Variants in CCDC148 observed in about 807,000 individuals in gnomAD.
CCDC148 encodes coiled-coil domain containing 148, also known as coiled-coil domain-containing protein 148.
In CCDC148, 89 loss-of-function variants were observed where a neutral mutation model predicts 85.7. The observed-to-expected ratio is 1.04, with a 90% CI of 0.87 to 1.24. CCDC148 has a LOEUF of 1.24. Among genes scored for constraint, CCDC148 ranks in the 50% most tolerant of loss-of-function variants. The probability of loss-of-function intolerance (pLI) is 0.00; values close to 1 mark genes in which losing one functional copy is unlikely to be tolerated. For missense variants in CCDC148, 692 were observed against 671.7 expected (o/e 1.03, Z -0.33); for synonymous variants, 230 against 213.9 (o/e 1.08, Z -0.66).
intron 9 of CCDC148, among the ~76,000 whole-genome samples, chr2:158,292,845 T>A (rs1227923850): frequency 6.6e-6 from 1 of 152,230 alleles, no homozygotes; most frequent in East Asian, 1.9e-4. Flanking sequence ...AGATGTAAAC[T>A]ATTTGAAATA....
At chr2:158,308,553 C>T (rs931872202) in intron 9 of CCDC148, among the ~76,000 whole-genome samples, 8 of 152,148 alleles carry the variant, frequency 5.3e-5, no homozygotes, top group Non-Finnish European at 1.0e-4. Flanking sequence ...ATTGGTATTG[C>T]TTAATGTCTG....
intron 9 of CCDC148, among the ~76,000 whole-genome samples, chr2:158,262,747 T>G (rs1689286048): frequency 6.6e-6 from 1 of 151,928 alleles, no homozygotes; most frequent in Non-Finnish European, 1.5e-5. Flanking sequence ...GAGAACAGCA[T>G]GGAGAAAGCC....
At chr2:158,251,147 A>G (rs10933464) in intron 9 of CCDC148, among the ~76,000 whole-genome samples, 78,112 of 151,428 alleles carry the variant, frequency 0.52, 20,378 homozygotes, top group South Asian at 0.7. Context: ...GATTCATGGA[A>G]TAGGGTTCCT....
At chr2:158,232,548 AAGTT>A (rs1411982931) in intron 10 of CCDC148, among the ~76,000 whole-genome samples, 1 of 152,168 alleles carries the variant, frequency 6.6e-6, no homozygotes, top group African/African-American at 2.4e-5. Flanking sequence ...AGGAAGCAGA[AAGTT>A]AGGACAAAAG....
At chr2:158,351,517 C>T (rs548992854) in intron 2 of CCDC148, among the ~76,000 whole-genome samples, 31 of 151,944 alleles carry the variant, frequency 2.0e-4, no homozygotes, top group East Asian at 9.8e-4. Flanking sequence ...GCTTTTCCGA[C>T]CGGCTTAAAA....
intron 1 of CCDC148, among the ~76,000 whole-genome samples, chr2:158,400,980 G>T (rs1355148974): frequency 6.6e-6 from 1 of 152,160 alleles, no homozygotes; most frequent in African/African-American, 2.4e-5. Context: ...TCACAGAAAT[G>T]CAAATTAAAA....
intron 9 of CCDC148, among the ~76,000 whole-genome samples, chr2:158,278,496 T>C (rs1221353766): frequency 1.3e-5 from 2 of 151,950 alleles, no homozygotes; most frequent in African/African-American, 4.8e-5. Context: ...GCTGGGAGGG[T>C]CCTTCACCCA....
intron 1 of CCDC148, among the ~76,000 whole-genome samples, chr2:158,372,917 AAAGGCAGAAT>A (rs1684508040): frequency 6.6e-6 from 1 of 152,082 alleles, no homozygotes; most frequent in Admixed American, 6.6e-5. Flanking sequence ...AATGCTTGTG[AAAGGCAGAAT>A]AGTGCCCCAA....
At chr2:158,375,459 G>A (rs540739213) in intron 1 of CCDC148, among the ~76,000 whole-genome samples, 15 of 152,126 alleles carry the variant, frequency 9.9e-5, no homozygotes, top group Admixed American at 9.2e-4. Context: ...CCATGAAAGC[G>A]AAGGCCACAA....
At chr2:158,336,397 A>T (rs1682379064) in intron 7 of CCDC148, among the ~76,000 whole-genome samples, 1 of 152,156 alleles carries the variant, frequency 6.6e-6, no homozygotes, top group Non-Finnish European at 1.5e-5. Context: ...TATTTATAAA[A>T]TATTTTCTTT....
intron 1 of CCDC148, among the ~76,000 whole-genome samples, chr2:158,406,394 G>C (rs188820215): frequency 1.3e-5 from 2 of 151,966 alleles, no homozygotes; most frequent in African/African-American, 4.8e-5. Flanking sequence ...GGTCCTAGTG[G>C]GGGGCTGGGC....
chr2:158,311,453 G>C (rs1365737248), intron 8 of CCDC148, among the ~76,000 whole-genome samples: 3 of 152,190 alleles, frequency 2.0e-5, no homozygotes, highest in Admixed American at 2.0e-4. Flanking sequence ...GAGGGAGACT[G>C]TGGAAAGCGG....
At chr2:158,257,859 C>T (rs1689072318) in intron 9 of CCDC148, among the ~76,000 whole-genome samples, 1 of 151,728 alleles carries the variant, frequency 6.6e-6, no homozygotes, top group Admixed American at 6.6e-5. Flanking sequence ...AACTAAATGC[C>T]AATAAGCAGA....
intron 1 of CCDC148, among the ~76,000 whole-genome samples, chr2:158,415,049 G>A (rs1043468286): frequency 2.0e-5 from 3 of 151,866 alleles, no homozygotes; most frequent in Non-Finnish European, 4.4e-5. Context: ...TAATAAATTT[G>A]AGTCCATAGT....
chr2:158,275,912 AC>A (rs1399892419), intron 9 of CCDC148, among the ~76,000 whole-genome samples: 2 of 152,168 alleles, frequency 1.3e-5, no homozygotes, highest in Non-Finnish European at 2.9e-5. Context: ...TATGGCCTGA[AC>A]ATCTATTCAC....
At chr2:158,346,042 A>G (rs1266754843) in intron 2 of CCDC148, among the ~76,000 whole-genome samples, 1 of 152,164 alleles carries the variant, frequency 6.6e-6, no homozygotes, top group Admixed American at 6.5e-5. Context: ...ACTAAATGTA[A>G]TTTTTCCTCA....
intron 11 of CCDC148, among the ~76,000 whole-genome samples, chr2:158,190,855 G>A (rs536223945): frequency 5.5e-4 from 83 of 151,948 alleles, no homozygotes; most frequent in Admixed American, 3.5e-3. Context: ...TTTTTCAGCT[G>A]AAAAATTCTC....
At chr2:158,342,286 TC>T (rs2105245544) in intron 3 of CCDC148, among the ~76,000 whole-genome samples, 1 of 152,242 alleles carries the variant, frequency 6.6e-6, no homozygotes, top group East Asian at 1.9e-4. Context: ...TGCCTTGGCC[TC>T]CCAAAGTGCT....
intron 9 of CCDC148, among the ~76,000 whole-genome samples, chr2:158,272,114 T>A (rs1689725387): frequency 6.6e-6 from 1 of 152,200 alleles, no homozygotes; most frequent in Admixed American, 6.5e-5. Flanking sequence ...ATAAGTTAGC[T>A]CTTAGATGAC....
Sources: gnomAD v4.1 joint callset for allele counts (sites outside exome capture counted in the v4.1 genomes callset) on GRCh38, gnomAD v4.1.1 for gene constraint, MANE v1.5 for transcripts, NCBI Gene and HGNC (gene_info 2026-07-23, HGNC 2026-07-21) for gene names.